Variants in MEGF10 observed in about 807,000 individuals in gnomAD.
The protein encoded by MEGF10 is multiple epidermal growth factor-like domains protein 10.
Under a neutral mutation model 147.5 loss-of-function variants are expected in MEGF10, and 86 were observed. The ratio of observed to expected loss-of-function variants is 0.58; its 90% CI spans 0.49 to 0.70. The LOEUF is 0.70. Ranked by LOEUF, MEGF10 falls within the 30% of genes least tolerant of loss-of-function variation. The pLI, the probability that MEGF10 is intolerant of heterozygous loss-of-function variation, is 0.00. For synonymous variants in MEGF10, 478 were observed against 525.5 expected (o/e 0.91, Z 1.24); for missense variants, 1,329 against 1,487.3 (o/e 0.89, Z 1.75).
intron 19 of MEGF10, among the ~76,000 whole-genome samples, chr5:127,445,005 A>C (rs1765888519): frequency 6.6e-6 from 1 of 152,238 alleles, no homozygotes; most frequent in Non-Finnish European, 1.5e-5. Context: ...TGTTACCCCA[A>C]ATTAATTGCC....
chr5:127,435,215 T>C (rs1765513386), intron 15 of MEGF10, 146 bp from the exon 16 acceptor site: 1 of 962,616 alleles, frequency 1.0e-6, no homozygotes, highest in Non-Finnish European at 1.5e-6. Context: ...AATGAGCCCA[T>C]TCAAGATGAA....
the MEGF10 span, among the ~76,000 whole-genome samples, chr5:127,236,136 C>T: frequency 2.6e-5 from 4 of 152,130 alleles, no homozygotes; most frequent in Admixed American, 2.0e-4. Flanking sequence ...CCATGCCCAG[C>T]TAATTTTTGT....
chr5:127,318,941 A>G (rs967247170), intron 1 of MEGF10, among the ~76,000 whole-genome samples: 1 of 152,108 alleles, frequency 6.6e-6, no homozygotes, highest in Non-Finnish European at 1.5e-5. Context: ...TGAAATATAC[A>G]TTTTTCAATA....
At chr5:127,362,139 C>T (rs1456650046) in intron 4 of MEGF10, among the ~76,000 whole-genome samples, 1 of 151,926 alleles carries the variant, frequency 6.6e-6, no homozygotes, top group East Asian at 1.9e-4. Context: ...TTAATTGTAT[C>T]TATTTCTCAT....
the MEGF10 span, among the ~76,000 whole-genome samples, chr5:127,233,118 A>G: frequency 6.6e-6 from 1 of 152,126 alleles, no homozygotes; most frequent in African/African-American, 2.4e-5. Flanking sequence ...TGAACTGTTG[A>G]ATGGCAGTGA....
At chr5:127,330,045 G>T (rs1388855567) in intron 1 of MEGF10, among the ~76,000 whole-genome samples, 2 of 152,120 alleles carry the variant, frequency 1.3e-5, no homozygotes, top group African/African-American at 4.8e-5. Flanking sequence ...CCTCCCCAGA[G>T]GAGGGCTTCT....
intron 18 of MEGF10, 148 bp downstream of exon 18, chr5:127,441,015 C>T (rs1296982894): frequency 2.9e-6 from 3 of 1,032,868 alleles, no homozygotes; most frequent in East Asian, 2.5e-5. Context: ...CTGACTTCCC[C>T]TCCCAGAGGT....
rs1166718178 is a variant in MEGF10 at position 127,457,925 on chromosome 5, T to A, written c.*607T>A. 4 of 152,136 alleles carry A rather than the reference T, an allele frequency of 2.6e-5. No individual in the cohort carries two copies. Among genetic ancestry groups the A allele is most frequent in the Non-Finnish European group, 5.9e-5 (4 of 68,050 alleles). The allele number at this position is 152,136 out of a possible 1,614,324, so 9.4% of individuals were successfully genotyped here. A position where few individuals can be genotyped will look rare whatever the true frequency, so the allele number is the denominator to read the frequency against. ...AAAGTGGACAGAAAATTTACGAAAA[T>A]CTTAGATTTTGTTTAGAATGAGAAA... On this transcript the variant is annotated 3_prime_UTR_variant, in exon 25 of 25. Coordinates refer to ENST00000503335, the MANE Select transcript of MEGF10 (RefSeq NM_001256545.2).
rs1187606577 is a variant in MEGF10, at chr5:127,410,380, G to A, written c.918-9G>A. ...ATCTTTCTTCTTGCTCCTGCCTCTT[G>A]CTTGGTAGGTGCCAGGATGAGTGTC... On this transcript the variant is annotated splice_polypyrimidine_tract_variant and intron_variant, in intron 8 of 24. Coordinates refer to ENST00000503335, the MANE Select transcript of MEGF10 (RefSeq NM_001256545.2). The A allele has an allele frequency of 6.2e-7, 1 of 1,613,418 alleles. No individual in the cohort carries two copies. Among genetic ancestry groups the A allele is most frequent in the African/African-American group, 1.3e-5 (1 of 74,934 alleles).
At chr5:127,410,875 G>T (rs933716362) in intron 9 of MEGF10, among the ~76,000 whole-genome samples, 1 of 152,206 alleles carries the variant, frequency 6.6e-6, no homozygotes, top group Non-Finnish European at 1.5e-5. Flanking sequence ...ATTTGCTGAG[G>T]TTAGTAGAAC....
chr5:127,311,924 G>A (rs1457199001), intron 1 of MEGF10, among the ~76,000 whole-genome samples: 1 of 152,190 alleles, frequency 6.6e-6, no homozygotes, highest in African/African-American at 2.4e-5. Flanking sequence ...TGAGGGACTA[G>A]ATATCCAGAG....
intron 4 of MEGF10, among the ~76,000 whole-genome samples, chr5:127,341,564 G>T (rs1010361150): frequency 1.8e-4 from 27 of 152,188 alleles, no homozygotes; most frequent in African/African-American, 6.5e-4. Context: ...CAGAGATAGG[G>T]CTTGGAATAG....
chr5:127,249,878 A>G, the MEGF10 span, among the ~76,000 whole-genome samples: 1 of 152,106 alleles, frequency 6.6e-6, no homozygotes, highest in African/African-American at 2.4e-5. Flanking sequence ...TGAATACTGC[A>G]TCCAACAGAG....
intron 1 of MEGF10, among the ~76,000 whole-genome samples, chr5:127,311,166 A>G (rs1760272790): frequency 6.6e-6 from 1 of 152,226 alleles, no homozygotes. Context: ...CCAGTTTCTC[A>G]TACTTTACTC....
chr5:127,434,884 C>T, intron 15 of MEGF10, 63 bp downstream of exon 15: 5 of 1,551,122 alleles, frequency 3.2e-6, no homozygotes, highest in Non-Finnish European at 3.5e-6. Flanking sequence ...AGTCTGTCCT[C>T]AGGCCTCCCC....
intron 2 of MEGF10, among the ~76,000 whole-genome samples, chr5:127,335,116 A>G (rs1248182602): frequency 6.6e-6 from 1 of 152,214 alleles, no homozygotes; most frequent in African/African-American, 2.4e-5. Context: ...ACAGGAAATA[A>G]AGAGTTTTGC....
chr5:127,409,614 A>T (rs891923415), intron 8 of MEGF10: 1 of 152,354 alleles, frequency 6.6e-6, no homozygotes, highest in Non-Finnish European at 1.5e-5. Context: ...ACAGAGCTCC[A>T]ATGCCACTTT....
chr5:127,238,029 CTATATATATATATA>C, the MEGF10 span, among the ~76,000 whole-genome samples: 880 of 139,184 alleles, frequency 6.3e-3, 12 homozygotes, highest in African/African-American at 0.022. Context: ...AAACTTCAGA[CTATATATATATATA>C]TATATATATA....
intron 9 of MEGF10, among the ~76,000 whole-genome samples, chr5:127,413,389 G>A (rs183034512): frequency 4.6e-5 from 7 of 152,200 alleles, no homozygotes; most frequent in Admixed American, 2.6e-4. Context: ...TGGACAATCC[G>A]GATGTGCCTA....
Sources: allele counts gnomAD v4.1 joint callset (sites outside exome capture counted in the v4.1 genomes callset), GRCh38; gene constraint gnomAD v4.1.1; transcripts MANE v1.5; gene names NCBI Gene and HGNC (gene_info 2026-07-23, HGNC 2026-07-21).